Variants in TMEM232 observed in about 807,000 individuals in gnomAD.
TMEM232 encodes the protein transmembrane protein 232.
A neutral mutation model predicts 78.8 loss-of-function variants in TMEM232; 80 were observed. That is an observed-to-expected ratio of 1.01 (90% CI 0.85 to 1.22). The LOEUF is 1.22. Ranked by LOEUF, TMEM232 falls within the 50% of genes most tolerant of loss-of-function variation. TMEM232 has a pLI of 0.00. For synonymous variants in TMEM232, 297 were observed against 254.3 expected (o/e 1.17, Z -1.60); for missense variants, 881 against 742.2 (o/e 1.19, Z -2.17).
intron 6 of TMEM232, among the ~76,000 whole-genome samples, 160 bp downstream of exon 6, chr5:110,627,621 T>C (rs1369307317): frequency 1.3e-5 from 2 of 152,104 alleles, no homozygotes; most frequent in African/African-American, 2.4e-5. Context: ...GGCAGTGAGC[T>C]GAACAAATGC....
intron 12 of TMEM232, among the ~76,000 whole-genome samples, chr5:110,431,881 A>G (rs1757894932): frequency 6.6e-6 from 1 of 151,674 alleles, no homozygotes; most frequent in Non-Finnish European, 1.5e-5. Context: ...AACAGCAGAG[A>G]CATATATGAG....
chr5:110,545,571 G>C (rs1290714903), intron 11 of TMEM232, among the ~76,000 whole-genome samples: 1 of 151,978 alleles, frequency 6.6e-6, no homozygotes, highest in Non-Finnish European at 1.5e-5. Flanking sequence ...CAAAAGTAAA[G>C]CCACATGTGG....
intron 12 of TMEM232, among the ~76,000 whole-genome samples, chr5:110,451,894 A>G (rs1203970551): frequency 1.3e-5 from 2 of 152,022 alleles, no homozygotes; most frequent in Non-Finnish European, 2.9e-5. Context: ...AAATATAACT[A>G]TTTTCTTATA....
At position 110,525,629 on chromosome 5, in the gene TMEM232, T is replaced by G. The variant is rs373536631; in HGVS notation, c.1703+2959A>C. Among the ~76,000 whole-genome samples the G allele has an allele frequency of 4.6e-5, 7 of 151,984 alleles. No individual in the cohort carries two copies. In the South Asian group the frequency reaches 1.4e-3, roughly 31 times the overall value. On this transcript the variant is annotated intron_variant, in intron 12 of 13. Coordinates refer to ENST00000455884, the MANE Select transcript of TMEM232 (RefSeq NM_001039763.4). ...AGTGTTAATTTTTCTAAAGTTAATT[T>G]TTTTAAGTGATGCAAGTAAATTTAC...
intron 11 of TMEM232, among the ~76,000 whole-genome samples, chr5:110,539,912 C>T (rs1772884440): frequency 6.6e-6 from 1 of 152,132 alleles, no homozygotes; most frequent in African/African-American, 2.4e-5. Context: ...TGGTTTGGGA[C>T]CTCCCCATAC....
At chr5:110,659,684 C>G (rs143866428) in intron 2 of TMEM232, among the ~76,000 whole-genome samples, 25 of 152,198 alleles carry the variant, frequency 1.6e-4, no homozygotes, top group Admixed American at 7.2e-4. Flanking sequence ...GCTCATCCCA[C>G]CACATGCTTA....
exon 5 of TMEM232, chr5:110,387,753 G>A (rs945254253): frequency 3.3e-5 from 5 of 152,160 alleles, no homozygotes; most frequent in Admixed American, 2.6e-4. Context: ...ACAGCATACT[G>A]TGGTCCTTTG....
At chr5:110,590,945 C>T (rs1038136093) in intron 10 of TMEM232, among the ~76,000 whole-genome samples, 2 of 152,072 alleles carry the variant, frequency 1.3e-5, no homozygotes, top group South Asian at 4.1e-4. Flanking sequence ...ATGAGGGAAA[C>T]CGTCCTCATG....
At chr5:110,487,484 T>C (rs1308525925) in intron 12 of TMEM232, among the ~76,000 whole-genome samples, 1 of 152,092 alleles carries the variant, frequency 6.6e-6, no homozygotes, top group Admixed American at 6.6e-5. Context: ...GGTAGGTCCC[T>C]TGTATGCCAA....
At chr5:110,400,917 G>T (rs982452291) in intron 2 of TMEM232, among the ~76,000 whole-genome samples, 1 of 151,864 alleles carries the variant, frequency 6.6e-6, no homozygotes, top group African/African-American at 2.4e-5. Flanking sequence ...ATAATCATTA[G>T]GATATAGATA....
At chr5:110,703,586 C>T (rs1561542059) in intron 1 of TMEM232, among the ~76,000 whole-genome samples, 2 of 151,948 alleles carry the variant, frequency 1.3e-5, no homozygotes, top group Admixed American at 6.6e-5. Flanking sequence ...GTTATAAATA[C>T]GTATTAGTTA....
At chr5:110,716,890 G>A (rs76858845) in intron 1 of TMEM232, among the ~76,000 whole-genome samples, 20 of 152,062 alleles carry the variant, frequency 1.3e-4, no homozygotes, top group Non-Finnish European at 1.5e-5. Context: ...TGGCTTTTTT[G>A]TGTGTGTAGC....
intron 2 of TMEM232, among the ~76,000 whole-genome samples, chr5:110,733,727 T>C (rs1181323128): frequency 6.6e-6 from 1 of 152,052 alleles, no homozygotes; most frequent in Non-Finnish European, 1.5e-5. Flanking sequence ...AAAAAACCTA[T>C]TGGGTGCTAG....
At chr5:110,730,815 A>G (rs1193178780), upstream of TMEM232, among the ~76,000 whole-genome samples, 4 of 152,202 alleles carry the variant, frequency 2.6e-5, no homozygotes, top group Admixed American at 6.5e-5. Context: ...GTGGAGACAC[A>G]GCCAAACCAG....
intron 12 of TMEM232, among the ~76,000 whole-genome samples, chr5:110,469,802 T>C (rs313603): frequency 0.035 from 5,402 of 152,260 alleles, 122 homozygotes; most frequent in African/African-American, 0.069. Flanking sequence ...ATTGCACTGA[T>C]AGAGCATTCT....
chr5:110,723,414 A>C (rs576670870), intron 1 of TMEM232, among the ~76,000 whole-genome samples: 2 of 152,298 alleles, frequency 1.3e-5, no homozygotes, highest in East Asian at 3.9e-4. Flanking sequence ...ATAGAGTTCA[A>C]ATATAATAAA....
At chr5:110,415,029 C>T (rs1253611538), downstream of TMEM232, among the ~76,000 whole-genome samples, 4 of 152,132 alleles carry the variant, frequency 2.6e-5, no homozygotes, top group African/African-American at 9.7e-5. Context: ...CATACAATAT[C>T]CCTCCTAGTG....
intron 1 of TMEM232, among the ~76,000 whole-genome samples, chr5:110,722,946 G>T (rs181469590): frequency 6.6e-6 from 1 of 152,146 alleles, no homozygotes; most frequent in African/African-American, 2.4e-5. Flanking sequence ...ATATTTTCAT[G>T]AGAGAGACTG....
At chr5:110,495,363 G>A (rs7717111) in intron 12 of TMEM232, among the ~76,000 whole-genome samples, 2,935 of 151,988 alleles carry the variant, frequency 0.019, 107 homozygotes, top group African/African-American at 0.066. Context: ...TTGGACTGGG[G>A]AAGGATCTCA....
Sources: allele counts gnomAD v4.1 joint callset (sites outside exome capture counted in the v4.1 genomes callset), GRCh38; gene constraint gnomAD v4.1.1; transcripts MANE v1.5; gene names NCBI Gene and HGNC (gene_info 2026-07-23, HGNC 2026-07-21).